The following PTPRG variants were observed in gnomAD, a reference collection of about 807,000 sequenced individuals.
The protein encoded by PTPRG is receptor-type tyrosine-protein phosphatase gamma.
Under a neutral mutation model 165.3 loss-of-function variants are expected in PTPRG, and 102 were observed. The ratio of observed to expected loss-of-function variants is 0.62; its 90% confidence interval spans 0.53 to 0.73. The LOEUF (loss-of-function observed/expected upper bound fraction) is 0.73, where lower values mean the gene tolerates loss of function less well. Ranked by LOEUF, PTPRG falls within the 30% of genes least tolerant of loss-of-function variation. The pLI, the probability that PTPRG is intolerant of heterozygous loss-of-function variation, is 0.00. For missense variants in PTPRG, 1,866 were observed against 1,861.4 expected, an observed-to-expected ratio of 1.00 and a Z score of -0.05; for synonymous variants, 675 against 669.5, an observed-to-expected ratio of 1.01 and a Z score of -0.13.
intron 4 of PTPRG, among the ~76,000 whole-genome samples, chr3:62,068,394 A>G (rs947869064): frequency 1.3e-5 from 2 of 152,106 alleles, no homozygotes; most frequent in Non-Finnish European, 2.9e-5. Flanking sequence ...ATCTGACCAT[A>G]CTGTCAGATT....
chr3:61,581,687 G>A (rs1700299678), intron 1 of PTPRG, among the ~76,000 whole-genome samples: 1 of 149,510 alleles, frequency 6.7e-6, no homozygotes, highest in Non-Finnish European at 1.5e-5. Flanking sequence ...TCGGCTCCCT[G>A]CAACCTCTGC....
intron 2 of PTPRG, among the ~76,000 whole-genome samples, chr3:61,969,308 T>C (rs1253092173): frequency 6.6e-6 from 1 of 152,170 alleles, no homozygotes; most frequent in East Asian, 1.9e-4. Flanking sequence ...TCAGTACATG[T>C]AAGGTCTGGG....
At chr3:61,931,810 G>C (rs922933807) in intron 2 of PTPRG, among the ~76,000 whole-genome samples, 1 of 152,136 alleles carries the variant, frequency 6.6e-6, no homozygotes, top group African/African-American at 2.4e-5. Flanking sequence ...TTCATTGTCT[G>C]ATCCATGTTA....
chr3:61,979,321 T>C (rs537575705), intron 2 of PTPRG, among the ~76,000 whole-genome samples: 1 of 152,362 alleles, frequency 6.6e-6, no homozygotes, highest in East Asian at 1.9e-4. Flanking sequence ...ATGACACTTT[T>C]GAAATATTAT....
intron 2 of PTPRG, among the ~76,000 whole-genome samples, chr3:61,761,099 C>T (rs1168746504): frequency 4.6e-5 from 7 of 152,140 alleles, no homozygotes; most frequent in Non-Finnish European, 7.3e-5. Context: ...GATTTATATT[C>T]CTTTGGGTGT....
intron 1 of PTPRG, among the ~76,000 whole-genome samples, chr3:61,622,064 T>C (rs1218979644): frequency 6.6e-6 from 1 of 152,324 alleles, no homozygotes; most frequent in East Asian, 1.9e-4. Context: ...TGGTACAGTA[T>C]TTGCGGGGCA....
intron 2 of PTPRG, among the ~76,000 whole-genome samples, chr3:61,816,216 T>C (rs1011713676): frequency 6.6e-6 from 1 of 152,186 alleles, no homozygotes; most frequent in Non-Finnish European, 1.5e-5. Flanking sequence ...TGTCTTGGCA[T>C]TCTTGAACAG....
At chr3:62,079,671 T>C (rs1015282998) in intron 5 of PTPRG, among the ~76,000 whole-genome samples, 38 of 152,324 alleles carry the variant, frequency 2.5e-4, no homozygotes, top group African/African-American at 8.9e-4. Context: ...CATCTCTTTT[T>C]CCTCATTACT....
At chr3:62,143,488 A>G (rs1287362595) in intron 6 of PTPRG, among the ~76,000 whole-genome samples, 1 of 152,016 alleles carries the variant, frequency 6.6e-6, no homozygotes, top group East Asian at 1.9e-4. Context: ...TGACTGCCTA[A>G]GGTGCTGAGG....
At chr3:62,110,917 G>A (rs1299986874) in intron 5 of PTPRG, among the ~76,000 whole-genome samples, 2 of 152,186 alleles carry the variant, frequency 1.3e-5, no homozygotes, top group Non-Finnish European at 2.9e-5. Flanking sequence ...GGCTTTAGGA[G>A]GCATCTCTTT....
intron 1 of PTPRG, among the ~76,000 whole-genome samples, chr3:61,692,695 G>A (rs2030301887): frequency 6.6e-6 from 1 of 152,150 alleles, no homozygotes; most frequent in South Asian, 2.1e-4. Context: ...GAGCTTTTGA[G>A]CCAGGATGAG....
chr3:62,266,420 C>T (rs902216406), intron 17 of PTPRG, among the ~76,000 whole-genome samples: 1 of 152,082 alleles, frequency 6.6e-6, no homozygotes, highest in Non-Finnish European at 1.5e-5. Context: ...ATTTGTCAGT[C>T]TAAGAAATAA....
Position 62,195,175 on chromosome 3 carries a change from G to C in PTPRG, c.1327+5G>C, listed in dbSNP as rs544513552. 2 of 1,613,628 alleles carry C rather than the reference G, an allele frequency of 1.2e-6. No individual in the cohort carries two copies. The highest frequency in any genetic ancestry group is 2.2e-5 in the East Asian group (1 of 44,862). On this transcript the variant is annotated splice_donor_5th_base_variant and intron_variant, in intron 10 of 29. Transcript: ENST00000474889. This position sits in a 1 kb window ranked among gnomAD's most constrained non-coding sequence, Gnocchi z 4.4. ...GCCAGACGATGCTGTTTCAAGGTGA[G>C]GCTGGCTTCCCCTCCTGTGGCCGGG... is the stretch of plus-strand genomic sequence containing the variant.
intron 2 of PTPRG, among the ~76,000 whole-genome samples, chr3:61,860,843 G>A (rs1017366127): frequency 2.6e-5 from 4 of 152,076 alleles, no homozygotes; most frequent in Non-Finnish European, 5.9e-5. Flanking sequence ...CAGGGTGTGT[G>A]TGTATTAAGT....
intron 1 of PTPRG, among the ~76,000 whole-genome samples, chr3:61,643,019 G>A (rs1421076501): frequency 6.6e-6 from 1 of 152,074 alleles, no homozygotes; most frequent in African/African-American, 2.4e-5. Context: ...ACGAAAACAT[G>A]GTAAAACAAT....
chr3:61,731,377 T>G (rs2032484745), intron 1 of PTPRG, among the ~76,000 whole-genome samples: 2 of 139,608 alleles, frequency 1.4e-5, no homozygotes, highest in Admixed American at 7.7e-5. Flanking sequence ...TGAGACGGAG[T>G]CTTGCTGTGT....
At chr3:61,782,207 T>C (rs2034567115) in intron 2 of PTPRG, among the ~76,000 whole-genome samples, 1 of 152,156 alleles carries the variant, frequency 6.6e-6, no homozygotes, top group South Asian at 2.1e-4. Flanking sequence ...GCAAGGTACT[T>C]TATATTTCCA....
intron 2 of PTPRG, among the ~76,000 whole-genome samples, chr3:61,971,184 C>T (rs542096857): frequency 6.6e-6 from 1 of 152,270 alleles, no homozygotes; most frequent in Non-Finnish European, 1.5e-5. Context: ...TCCTAAGTAG[C>T]TGGATTACAG....
intron 6 of PTPRG, among the ~76,000 whole-genome samples, chr3:62,148,117 G>C (rs2106667322): frequency 6.6e-6 from 1 of 152,332 alleles, no homozygotes; most frequent in African/African-American, 2.4e-5. Flanking sequence ...CTGCACTCCA[G>C]CCTGGGTGAC....
Sources: allele counts gnomAD v4.1 joint callset (sites outside exome capture counted in the v4.1 genomes callset), GRCh38; gene constraint gnomAD v4.1.1; non-coding constraint Gnocchi (gnomAD v3.1); transcripts MANE v1.5; gene names NCBI Gene and HGNC (gene_info 2026-07-23, HGNC 2026-07-21).